HSD17B2: variants seen among roughly 807,000 people sequenced by gnomAD.
HSD17B2 encodes the protein 17-beta-hydroxysteroid dehydrogenase type 2.
Under a neutral mutation model 26.9 loss-of-function variants are expected in HSD17B2, and 32 were observed. That is an observed-to-expected ratio of 1.19 (90% confidence interval 0.90 to 1.60). The LOEUF (loss-of-function observed/expected upper bound fraction) is 1.60, where lower values mean the gene tolerates loss of function less well. Among genes scored for constraint, HSD17B2 ranks in the 40% most tolerant of loss-of-function variants. HSD17B2 has a pLI of 0.00. For missense variants in HSD17B2, 613 were observed against 468.6 expected (o/e 1.31, Z -2.85); for synonymous variants, 246 against 186.7 (o/e 1.32, Z -2.59).
At chr16:82,056,371 G>T (rs1042413893) in intron 1 of HSD17B2, 1 of 152,134 alleles carries the variant, frequency 6.6e-6, no homozygotes, top group African/African-American at 2.4e-5. Flanking sequence ...TTTACTTGTA[G>T]CAATTCTTGT....
chr16:82,091,084 A>T, intron 4 of HSD17B2, 45 bp downstream of exon 4: 2 of 1,601,360 alleles, frequency 1.2e-6, no homozygotes, highest in Non-Finnish European at 1.7e-6. Flanking sequence ...TCCTGGAAGG[A>T]ACCCCGAAGG....
At chr16:82,080,797 T>C (rs1904357970) in intron 3 of HSD17B2, among the ~76,000 whole-genome samples, 1 of 152,208 alleles carries the variant, frequency 6.6e-6, no homozygotes, top group Admixed American at 6.5e-5. Flanking sequence ...CTCCTCATTC[T>C]TTACACCATG....
intron 1 of HSD17B2, among the ~76,000 whole-genome samples, chr16:82,042,824 T>C (rs773492721): frequency 2.6e-5 from 4 of 152,088 alleles, no homozygotes; most frequent in Non-Finnish European, 5.9e-5. Flanking sequence ...TTTCACCATG[T>C]TGGCCAGGCT....
chr16:82,055,922 T>A (rs893861408), intron 1 of HSD17B2, among the ~76,000 whole-genome samples: 2 of 152,164 alleles, frequency 1.3e-5, no homozygotes, highest in African/African-American at 4.8e-5. Context: ...GATTGAACAG[T>A]GTCCATGGTG....
intron 1 of HSD17B2, among the ~76,000 whole-genome samples, chr16:82,054,237 G>C (rs923338114): frequency 7.0e-6 from 1 of 143,716 alleles, no homozygotes. Context: ...AAAAAAGAAA[G>C]AAAAGCCATG....
intron 1 of HSD17B2, among the ~76,000 whole-genome samples, chr16:82,064,260 C>T (rs143252439): frequency 4.6e-5 from 7 of 152,314 alleles, no homozygotes; most frequent in African/African-American, 9.6e-5. Context: ...CCTCCTTGCT[C>T]GCATCCCTTT....
In HSD17B2 at chr16:82,035,558, G is replaced by C. The variant is rs1294041396; in HGVS notation, c.134G>C (p.Cys45Ser). The C allele has an allele frequency of 6.2e-7, 1 of 1,614,066 alleles. No homozygotes were observed. The highest frequency in any genetic ancestry group is 8.5e-7 in the Non-Finnish European group (1 of 1,180,036). The change falls in exon 1 of 5, where the codon TGT becomes TCT. Residue 45 changes from cysteine to serine, a missense_variant. Transcript: ENST00000199936. ...WSWMVCLAGL[C>S]AVCLLILSPF... ...TGGATGGTCTGCCTGGCAGGCCTCT[G>C]TGCAGTCTGCCTGCTCATCCTGTCC...
At chr16:82,049,556 G>A (rs571311102) in intron 1 of HSD17B2, among the ~76,000 whole-genome samples, 1 of 152,314 alleles carries the variant, frequency 6.6e-6, no homozygotes, top group South Asian at 2.1e-4. Flanking sequence ...AAGATGCTGT[G>A]AGCATTTCGG....
intron 3 of HSD17B2, among the ~76,000 whole-genome samples, chr16:82,086,638 A>T (rs1034475): frequency 1.6e-4 from 25 of 152,220 alleles, no homozygotes; most frequent in African/African-American, 5.5e-4. Flanking sequence ...ATGCTAAGTA[A>T]GGATAGAAAG....
intron 3 of HSD17B2, among the ~76,000 whole-genome samples, chr16:82,079,755 C>T (rs1422609536): frequency 6.6e-6 from 1 of 152,120 alleles, no homozygotes; most frequent in Non-Finnish European, 1.5e-5. Flanking sequence ...TAGAATGTAA[C>T]ACAAGGATTA....
intron 1 of HSD17B2, among the ~76,000 whole-genome samples, chr16:82,067,366 A>G (rs1206164108): frequency 2.0e-5 from 3 of 152,210 alleles, no homozygotes; most frequent in African/African-American, 7.2e-5. Flanking sequence ...TGTTCATGTT[A>G]TCTTCAACTT....
chr16:82,081,748 TA>T lies in HSD17B2; in HGVS notation c.665-9153del, dbSNP rs1265986312. Among the ~76,000 whole-genome samples, 3 of 152,224 alleles carry T rather than the reference TA, an allele frequency of 2.0e-5. No individual in the cohort carries two copies. In the East Asian group the frequency reaches 5.8e-4, roughly 29 times the overall value. On this transcript the variant is annotated intron_variant, in intron 3 of 4. Coordinates refer to ENST00000199936, the MANE Select transcript of HSD17B2 (RefSeq NM_002153.3). Reference sequence around the variant, plus strand: ...TAATGGACACTGCCCCGCACTTCTTTATTTTTAAAATTAATTTTAGCTTTTA... The same window carrying T: ...TAATGGACACTGCCCCGCACTTCTTTTTTTTAAAATTAATTTTAGCTTTTA...
At chr16:82,080,511 A>T (rs1904350428) in intron 3 of HSD17B2, among the ~76,000 whole-genome samples, 1 of 152,184 alleles carries the variant, frequency 6.6e-6, no homozygotes, top group Non-Finnish European at 1.5e-5. Flanking sequence ...CAAGGGAACT[A>T]GTTCTCCCCT....
At chr16:82,046,134 A>G (rs1227192976) in intron 1 of HSD17B2, among the ~76,000 whole-genome samples, 5 of 152,220 alleles carry the variant, frequency 3.3e-5, no homozygotes, top group Admixed American at 6.5e-5. Context: ...TTCACAGCTC[A>G]TGTTTTCAGT....
chr16:82,044,916 G>A (rs1213494752), intron 1 of HSD17B2, among the ~76,000 whole-genome samples: 3 of 152,016 alleles, frequency 2.0e-5, no homozygotes, highest in Admixed American at 2.0e-4. Context: ...TCAGGAGTTC[G>A]AGACCAGCCT....
intron 3 of HSD17B2, 133 bp downstream of exon 3, chr16:82,071,260 C>A (rs532051207): frequency 2.5e-6 from 2 of 809,884 alleles, no homozygotes; most frequent in Non-Finnish European, 4.3e-6. Flanking sequence ...ATTGTATATA[C>A]CCTGTTGGTC....
At chr16:82,059,311 G>C (rs1347282169) in intron 1 of HSD17B2, among the ~76,000 whole-genome samples, 1 of 152,206 alleles carries the variant, frequency 6.6e-6, no homozygotes, top group African/African-American at 2.4e-5. Flanking sequence ...CTCAATAGTA[G>C]TCTGTGTTGT....
intron 2 of HSD17B2, among the ~76,000 whole-genome samples, chr16:82,069,712 TG>T (rs1163145469): frequency 6.6e-6 from 1 of 152,216 alleles, no homozygotes; most frequent in Admixed American, 6.5e-5. Flanking sequence ...TAGAATCATT[TG>T]AAAATTACCT....
chr16:82,098,500 C>T lies in HSD17B2; in HGVS notation c.*64C>T. 1 of 1,499,834 alleles carries T rather than the reference C, an allele frequency of 6.7e-7. No individual in the cohort carries two copies. Among genetic ancestry groups the T allele is most frequent in the Non-Finnish European group, 8.9e-7 (1 of 1,124,744 alleles). 92.9% of individuals were successfully genotyped at this position (1,499,834 alleles called of 1,614,324 possible). ...TTGAAATGAAAGGGAAACTGGGAAA[C>T]TGGGTTTCTCATTAAAGTTGTTTCC... is the stretch of plus-strand genomic sequence containing the variant. On this transcript the variant is annotated 3_prime_UTR_variant, in exon 5 of 5. Coordinates refer to ENST00000199936, the MANE Select transcript of HSD17B2 (RefSeq NM_002153.3).
Sources: allele counts gnomAD v4.1 joint callset (sites outside exome capture counted in the v4.1 genomes callset), GRCh38; gene constraint gnomAD v4.1.1; transcripts MANE v1.5; gene names NCBI Gene and HGNC (gene_info 2026-07-23, HGNC 2026-07-21).